GNGT1: variants seen among roughly 807,000 people sequenced by gnomAD.
GNGT1 encodes the protein guanine nucleotide-binding protein G(T) subunit gamma-T1.
GNGT1 carries 4 observed loss-of-function variants against 7.4 expected under a neutral mutation model. That is an observed-to-expected ratio of 0.54 (90% CI 0.27 to 1.24). The LOEUF (loss-of-function observed/expected upper bound fraction) is 1.24. Ranked by LOEUF, GNGT1 falls within the 50% of genes most tolerant of loss-of-function variation. GNGT1 has a pLI of 0.12. For synonymous variants in GNGT1, 37 were observed against 30.2 expected, an observed-to-expected ratio of 1.23 and a Z score of -0.74; for missense variants, 95 against 82.4, an observed-to-expected ratio of 1.15 and a Z score of -0.59.
At chr7:93,908,132 T>C (rs1378048894) in intron 2 of GNGT1, among the ~76,000 whole-genome samples, 1 of 152,172 alleles carries the variant, frequency 6.6e-6, no homozygotes. Context: ...ATCGCATACA[T>C]CATCATTAAT....
chr7:93,907,463 T>G (rs1794394082), intron 2 of GNGT1, among the ~76,000 whole-genome samples: 1 of 152,166 alleles, frequency 6.6e-6, no homozygotes. Flanking sequence ...CAAATAAAGA[T>G]GAGTTCAAAC....
At chr7:93,906,866 T>C in intron 2 of GNGT1, 24 bp downstream of exon 2, 5 of 1,404,840 alleles carry the variant, frequency 3.6e-6, no homozygotes, top group Non-Finnish European at 4.0e-6. Context: ...TTCTTTAGTA[T>C]TTTATTTTAA....
chr7:93,908,679 A>G (rs1418165741), intron 2 of GNGT1, among the ~76,000 whole-genome samples: 1 of 151,204 alleles, frequency 6.6e-6, no homozygotes, highest in East Asian at 1.9e-4. Context: ...AATATGTTAT[A>G]TTATATATAA....
intron 2 of GNGT1, among the ~76,000 whole-genome samples, chr7:93,908,281 TG>T (rs1459246282): frequency 6.6e-6 from 1 of 152,132 alleles, no homozygotes; most frequent in Non-Finnish European, 1.5e-5. Flanking sequence ...TACATATACA[TG>T]TACCCTCTTA....
At chr7:93,909,354 TGAGAA>T (rs1794425645) in intron 2 of GNGT1, 1 of 516,344 alleles carries the variant, frequency 1.9e-6, no homozygotes, top group African/African-American at 1.9e-5. Flanking sequence ...AGCTAGTAAA[TGAGAA>T]GAGTCTTGCA....
rs566614834 is a variant in GNGT1 at position 93,910,784 on chromosome 7, C to G, written c.97-6C>G. Reference sequence around the variant, plus strand: ...AATGAGTCATCCCTTTTTCCTTCCCCTTAAGGTTTCCAAATGTTGTGAAGA... The same window carrying G: ...AATGAGTCATCCCTTTTTCCTTCCCGTTAAGGTTTCCAAATGTTGTGAAGA... On this transcript the variant is annotated splice_region_variant and splice_polypyrimidine_tract_variant and intron_variant, in intron 2 of 2. Transcript: ENST00000248572. 6 of 1,591,988 alleles carry G rather than the reference C, an allele frequency of 3.8e-6. No homozygotes were observed. The highest frequency in any genetic ancestry group is 1.1e-5 in the South Asian group (1 of 87,524).
In GNGT1 at chr7:93,906,717, T is replaced by C; in HGVS notation, c.-11-19T>C. On this transcript the variant is annotated intron_variant, in intron 1 of 2. Coordinates refer to ENST00000248572, the MANE Select transcript of GNGT1 (RefSeq NM_021955.5). ...ACTCCAGCAATTCATGCATAGCTGCTAACCTTCTACATCTTCAGCAGGCAA... is the reference window on the plus strand; with the variant it reads ...ACTCCAGCAATTCATGCATAGCTGCCAACCTTCTACATCTTCAGCAGGCAA... 1 of 1,318,544 alleles carries C rather than the reference T, an allele frequency of 7.6e-7. No homozygotes were observed. Among genetic ancestry groups the C allele is most frequent in the Non-Finnish European group, 1.1e-6 (1 of 919,246 alleles). The allele number at this position is 1,318,544 out of a possible 1,614,324, so 81.7% of individuals were successfully genotyped here. A position where few individuals can be genotyped will look rare whatever the true frequency, so the allele number is the denominator to read the frequency against.
intron 2 of GNGT1, chr7:93,909,500 T>TCA: frequency 1.4e-6 from 1 of 702,534 alleles, no homozygotes; most frequent in East Asian, 2.7e-5. Context: ...CCAGGCACCT[T>TCA]CAAAACCAAT....
Position 93,911,020 on chromosome 7 carries a change from A to T in GNGT1, c.*102A>T, listed in dbSNP as rs1009461166. ...TGCATACTATTACTACTAAGCATGT[A>T]CGTGAATTTTTAAATTTATAGATGT... On this transcript the variant is annotated 3_prime_UTR_variant, in exon 3 of 3. Transcript: ENST00000248572. 1.5e-5 allele frequency: 11 copies of T among 732,918 alleles called. No homozygotes were observed. The highest frequency in any genetic ancestry group is 1.5e-4 in the African/African-American group (8 of 55,030). The allele number at this position is 732,918 out of a possible 1,614,324, so 45.4% of individuals were successfully genotyped here. A position where few individuals can be genotyped will look rare whatever the true frequency, so the allele number is the denominator to read the frequency against.
At position 93,906,823 on chromosome 7, in the gene GNGT1, T is replaced by C. The variant is rs755999687; in HGVS notation, c.77T>C (p.Val26Ala). ...KMEVDQLKKE[V>A]TLERMLVSKC... ...GAAGTTGACCAGCTCAAGAAAGAAG[T>C]GACACTGGAAAGAATGCTAGTAAGT... The change falls in exon 2 of 3, where the codon GTG becomes GCG. Residue 26 changes from valine to alanine, a missense_variant. Transcript: ENST00000248572. The C allele has an allele frequency of 9.4e-6, 15 of 1,594,772 alleles. No homozygotes were observed. Among genetic ancestry groups the C allele is most frequent in the Non-Finnish European group, 1.1e-5 (13 of 1,168,100 alleles).
chr7:93,908,989 C>G (rs891041847), intron 2 of GNGT1, among the ~76,000 whole-genome samples: 7 of 152,096 alleles, frequency 4.6e-5, no homozygotes, highest in Admixed American at 1.3e-4. Flanking sequence ...ATACACAAAG[C>G]TCTGAGAACA....
chr7:93,907,571 A>G (rs74529787), intron 2 of GNGT1, among the ~76,000 whole-genome samples: 9,427 of 152,268 alleles, frequency 0.062, 378 homozygotes, highest in African/African-American at 0.11. Flanking sequence ...TGGCAAAGGA[A>G]TAAACCACCA....
At chr7:93,910,752 T>A in intron 2 of GNGT1, 38 bp from the exon 3 acceptor site, 4 of 1,519,460 alleles carry the variant, frequency 2.6e-6, no homozygotes, top group Non-Finnish European at 3.6e-6. Flanking sequence ...TATTCTGTTT[T>A]AAACCAAATG....
intron 2 of GNGT1, chr7:93,910,350 G>A (rs954934886): frequency 6.5e-6 from 1 of 152,676 alleles, no homozygotes. Flanking sequence ...AAAATTACAT[G>A]TGTATACTTC....
chr7:93,911,149 A>C lies in GNGT1; in HGVS notation c.*231A>C, dbSNP rs1403337265. The C allele has an allele frequency of 8.5e-6, 2 of 235,334 alleles. No homozygotes were observed. The highest frequency in any genetic ancestry group is 1.1e-4 in the Admixed American group (2 of 18,250). The allele number at this position is 235,334 out of a possible 1,614,324, so 14.6% of individuals were successfully genotyped here. ...ATAATTGCCAATAAATATTGCTTAA[A>C]GTTCTTTAAAAAGAACTATGTTTTA... On this transcript the variant is annotated 3_prime_UTR_variant, in exon 3 of 3. Coordinates refer to ENST00000248572, the MANE Select transcript of GNGT1 (RefSeq NM_021955.5).
chr7:93,906,878 C>A, intron 2 of GNGT1, 36 bp downstream of exon 2: 1 of 1,204,406 alleles, frequency 8.3e-7, no homozygotes, highest in Non-Finnish European at 1.2e-6. Flanking sequence ...TTATTTTAAG[C>A]TAGAGATACT....
intron 2 of GNGT1, chr7:93,909,769 C>A (rs180272): frequency 0.79 from 289,419 of 365,992 alleles, 114,651 homozygotes; most frequent in East Asian, 0.86. Flanking sequence ...ATGAGTCTGC[C>A]TAGTTATAAA....
chr7:93,910,932 A>G lies in GNGT1; in HGVS notation c.*14A>G. The stretch of plus-strand genomic sequence containing the variant: ...GTGATTTCATAATACAAACAAAAAG[A>G]AAAAAAATTAAACAAATTCTTGGAA... On this transcript the variant is annotated 3_prime_UTR_variant, in exon 3 of 3. Transcript: ENST00000248572. 4 of 1,523,624 alleles carry G rather than the reference A, an allele frequency of 2.6e-6. No homozygotes were observed. The highest frequency in any genetic ancestry group is 3.5e-6 in the Non-Finnish European group (4 of 1,130,234). 94.4% of individuals were successfully genotyped at this position (1,523,624 alleles called of 1,614,324 possible).
intron 2 of GNGT1, among the ~76,000 whole-genome samples, chr7:93,909,157 A>G (rs1033019578): frequency 1.2e-4 from 18 of 152,220 alleles, no homozygotes; most frequent in African/African-American, 4.3e-4. Context: ...TGCAATGACT[A>G]TAAGTCAATG....
Sources: allele counts gnomAD v4.1 joint callset (sites outside exome capture counted in the v4.1 genomes callset), GRCh38; gene constraint gnomAD v4.1.1; transcripts MANE v1.5; gene names NCBI Gene and HGNC (gene_info 2026-07-23, HGNC 2026-07-21).